The following CCL28 variants were observed in gnomAD, a reference collection of about 807,000 sequenced individuals.
CCL28 encodes the protein C-C motif chemokine 28.
CCL28 carries 4 observed loss-of-function variants against 7.1 expected under a neutral mutation model. The observed-to-expected ratio is 0.56, with a 90% CI of 0.28 to 1.29. The LOEUF (loss-of-function observed/expected upper bound fraction) is 1.29, where lower values mean the gene tolerates loss of function less well. CCL28 is among the 50% of genes most tolerant of loss of function. The pLI is 0.11. For missense variants in CCL28, 151 were observed against 163.4 expected (o/e 0.92, Z 0.41); for synonymous variants, 55 against 57.8 (o/e 0.95, Z 0.22).
At chr5:43,382,865 C>CTGGA (rs1260018165) in intron 2 of CCL28, among the ~76,000 whole-genome samples, 1 of 151,900 alleles carries the variant, frequency 6.6e-6, no homozygotes, top group Non-Finnish European at 1.5e-5. Context: ...GTCACCCAGG[C>CTGGA]TGGAGTGCAA....
chr5:43,397,366 G>A (rs1004478108), intron 1 of CCL28: 21 of 151,974 alleles, frequency 1.4e-4, no homozygotes, highest in Admixed American at 1.2e-3. Context: ...CTTTTGATGC[G>A]GGTATGTTAA....
the CCL28 span, among the ~76,000 whole-genome samples, chr5:43,367,757 A>T: frequency 6.6e-6 from 1 of 152,136 alleles, no homozygotes; most frequent in Non-Finnish European, 1.5e-5. Flanking sequence ...TGCAGAAATC[A>T]CCTGCCTTCT....
At chr5:43,402,291 T>C (rs1741068467) in intron 1 of CCL28, among the ~76,000 whole-genome samples, 1 of 152,232 alleles carries the variant, frequency 6.6e-6, no homozygotes, top group Non-Finnish European at 1.5e-5. Flanking sequence ...AATTTGTTCA[T>C]ATTAAACTTT....
chr5:43,372,165 A>G (rs1318230496), downstream of CCL28, among the ~76,000 whole-genome samples: 2 of 152,190 alleles, frequency 1.3e-5, no homozygotes, highest in East Asian at 3.8e-4. Flanking sequence ...TCCTCCTCCA[A>G]TATTGGGGAT....
the CCL28 span, among the ~76,000 whole-genome samples, chr5:43,367,865 C>G: frequency 1.3e-5 from 2 of 152,224 alleles, no homozygotes; most frequent in Non-Finnish European, 2.9e-5. Context: ...TTCTGATTGT[C>G]TCTCACTTTG....
downstream of CCL28, among the ~76,000 whole-genome samples, chr5:43,373,513 T>C (rs1739828918): frequency 4.6e-5 from 7 of 152,142 alleles, 1 homozygote; most frequent in South Asian, 1.5e-3. Flanking sequence ...TTAGTCAGGC[T>C]GGTCTTGAAC....
the CCL28 span, among the ~76,000 whole-genome samples, chr5:43,358,013 C>T: frequency 6.6e-6 from 1 of 152,166 alleles, no homozygotes; most frequent in Non-Finnish European, 1.5e-5. Context: ...TAACTTGCTG[C>T]TTTTAGAGGC....
downstream of CCL28, among the ~76,000 whole-genome samples, chr5:43,378,311 A>G (rs1235793591): frequency 1.3e-5 from 2 of 152,084 alleles, no homozygotes; most frequent in Non-Finnish European, 2.9e-5. Flanking sequence ...AGATTGCTCC[A>G]CTGCACTCCA....
chr5:43,395,146 G>C (rs1740746149), intron 1 of CCL28, among the ~76,000 whole-genome samples: 1 of 149,790 alleles, frequency 6.7e-6, no homozygotes, highest in Non-Finnish European at 1.5e-5. Context: ...TCTAGGCCTG[G>C]TGTCTGAGGA....
In CCL28 at chr5:43,412,355, A is replaced by T; in HGVS notation, c.-39T>A. 1 of 1,577,778 alleles carries T rather than the reference A, an allele frequency of 6.3e-7. No homozygotes were observed. Among genetic ancestry groups the T allele is most frequent in the Non-Finnish European group, 8.7e-7 (1 of 1,151,364 alleles). On this transcript the variant is annotated 5_prime_UTR_variant, in exon 1 of 3. Coordinates refer to ENST00000361115, the MANE Select transcript of CCL28 (RefSeq NM_148672.3). ...ACTGGCACTGACAGCAACACAAGTG[A>T]GGCTGTTCGATCAGGAAATGAGGCT...
At chr5:43,364,620 A>T in the CCL28 span, among the ~76,000 whole-genome samples, 3 of 152,136 alleles carry the variant, frequency 2.0e-5, no homozygotes, top group Non-Finnish European at 2.9e-5. Flanking sequence ...AAAAATGTTA[A>T]TTTATTGTCT....
At chr5:43,370,422 C>T in the CCL28 span, among the ~76,000 whole-genome samples, 1 of 151,784 alleles carries the variant, frequency 6.6e-6, no homozygotes, top group Non-Finnish European at 1.5e-5. Context: ...CATGATACAC[C>T]CAGGAATGGA....
At chr5:43,388,622 A>T in intron 1 of CCL28, 146 bp from the exon 2 acceptor site, 1 of 697,676 alleles carries the variant, frequency 1.4e-6, no homozygotes. Flanking sequence ...TTGGGGCAGG[A>T]CATGTTCCCA....
At chr5:43,373,860 A>C (rs1739835289), downstream of CCL28, among the ~76,000 whole-genome samples, 1 of 152,214 alleles carries the variant, frequency 6.6e-6, no homozygotes, top group Non-Finnish European at 1.5e-5. Flanking sequence ...AGGTTTTTTA[A>C]CACACTGATG....
At chr5:43,384,357 C>T (rs1469416301) in intron 2 of CCL28, among the ~76,000 whole-genome samples, 1 of 152,098 alleles carries the variant, frequency 6.6e-6, no homozygotes, top group Admixed American at 6.6e-5. Flanking sequence ...TGTAATTCAA[C>T]TGGGGAAAAA....
chr5:43,369,768 C>A, the CCL28 span, among the ~76,000 whole-genome samples: 1 of 152,104 alleles, frequency 6.6e-6, no homozygotes, highest in Non-Finnish European at 1.5e-5. Context: ...CAGCTAGACT[C>A]CAAAGATGAC....
chr5:43,401,091 A>G (rs569484828), intron 1 of CCL28, among the ~76,000 whole-genome samples: 392 of 152,006 alleles, frequency 2.6e-3, no homozygotes, highest in African/African-American at 7.8e-3. Context: ...TCAAAAAAAA[A>G]AAAAAGAAAA....
chr5:43,359,404 C>G, the CCL28 span, among the ~76,000 whole-genome samples: 1 of 152,200 alleles, frequency 6.6e-6, no homozygotes, highest in Non-Finnish European at 1.5e-5. Context: ...TTATCTGTAG[C>G]AGGAACATAT....
intron 1 of CCL28, among the ~76,000 whole-genome samples, chr5:43,410,014 C>T (rs1741470415): frequency 6.6e-6 from 1 of 152,164 alleles, no homozygotes; most frequent in Non-Finnish European, 1.5e-5. Context: ...AGTTATTGAG[C>T]CATCACAACA....
Sources: allele counts gnomAD v4.1 joint callset (sites outside exome capture counted in the v4.1 genomes callset), GRCh38; gene constraint gnomAD v4.1.1; transcripts MANE v1.5; gene names NCBI Gene and HGNC (gene_info 2026-07-23, HGNC 2026-07-21).